The following PKNOX1 variants were observed in gnomAD, a reference collection of about 807,000 sequenced individuals.
PKNOX1 encodes the protein homeobox protein PKNOX1.
A neutral mutation model predicts 51.9 loss-of-function variants in PKNOX1; 15 were observed. The ratio of observed to expected loss-of-function variants is 0.29; its 90% confidence interval spans 0.19 to 0.45. PKNOX1 has a LOEUF of 0.45. Ranked by LOEUF, PKNOX1 falls within the 20% of genes least tolerant of loss-of-function variation. The probability of loss-of-function intolerance (pLI) is 1.00; values close to 1 mark genes in which losing one functional copy is unlikely to be tolerated. For missense variants in PKNOX1, 462 were observed against 547.5 expected, an observed-to-expected ratio of 0.84 and a Z score of 1.56; for synonymous variants, 219 against 211.1, an observed-to-expected ratio of 1.04 and a Z score of -0.32.
rs779953864 is a variant in PKNOX1, at chr21:43,029,886, G to A, written c.1100-4G>A. ...AATAATGACACACCTTCATCCTGCCGCAGGAGCTGTTGTCACCATCACCAC... is the reference window on the plus strand; with the variant it reads ...AATAATGACACACCTTCATCCTGCCACAGGAGCTGTTGTCACCATCACCAC... On this transcript the variant is annotated splice_region_variant and splice_polypyrimidine_tract_variant and intron_variant, in intron 10 of 10. Transcript: ENST00000291547. 3.1e-5 allele frequency: 50 copies of A among 1,610,046 alleles called. No homozygotes were observed. The highest frequency in any genetic ancestry group is 1.6e-4 in the South Asian group (15 of 90,966).
chr21:43,020,929 G>A lies in PKNOX1; in HGVS notation c.721-374G>A, dbSNP rs184516393. Among the ~76,000 whole-genome samples the A allele has an allele frequency of 3.1e-4, 47 of 152,300 alleles. 1 individual carries two copies. In the East Asian group the frequency reaches 8.7e-3, roughly 28 times the overall value. ...CATGTGCCAGCCTGGGCAACAGGGC[G>A]AGACCCTGCCTCTACAAAAAGTAGA... On this transcript the variant is annotated intron_variant, in intron 7 of 10. Coordinates refer to ENST00000291547, the MANE Select transcript of PKNOX1 (RefSeq NM_004571.5).
chr21:43,006,345 T>C (rs2146264586), intron 2 of PKNOX1, among the ~76,000 whole-genome samples: 1 of 152,210 alleles, frequency 6.6e-6, no homozygotes, highest in Admixed American at 6.5e-5. Flanking sequence ...AGGCTGATCT[T>C]GAACCCCTGA....
intron 1 of PKNOX1, among the ~76,000 whole-genome samples, chr21:42,975,140 G>T (rs1489340051): frequency 6.9e-6 from 1 of 144,996 alleles, no homozygotes; most frequent in Non-Finnish European, 1.5e-5. Flanking sequence ...GGCGGCGCGC[G>T]TGGGGCCGGT....
chr21:42,999,644 C>T (rs1455331062), intron 1 of PKNOX1, among the ~76,000 whole-genome samples: 1 of 152,070 alleles, frequency 6.6e-6, no homozygotes, highest in African/African-American at 2.4e-5. Context: ...CCAAGCCCGG[C>T]TAATTTTCGT....
intron 8 of PKNOX1, among the ~76,000 whole-genome samples, chr21:43,022,793 T>C (rs1979820432): frequency 6.6e-6 from 1 of 152,132 alleles, no homozygotes; most frequent in Non-Finnish European, 1.5e-5. Context: ...TGGAGTATCA[T>C]ATGCATAGTT....
At position 43,007,552 on chromosome 21, in the gene PKNOX1, A is replaced by G. The variant is rs754591831; in HGVS notation, c.113A>G (p.Glu38Gly). The G allele has an allele frequency of 1.4e-5, 22 of 1,614,084 alleles. No individual in the cohort carries two copies. The highest frequency in any genetic ancestry group is 1.6e-4 in the Middle Eastern group (1 of 6,062). Residue 38 changes from glutamate (E) to glycine (G), a missense_variant, in exon 3 of 11, where the codon GAA becomes GGA. Glu to Gly is a moderately conservative substitution (Grantham distance 98). Around this residue, in one of 5 missense-constraint regions of PKNOX1, gnomAD observed 129 missense variants for 133.4 expected, o/e 0.97. Coordinates refer to ENST00000291547, the MANE Select transcript of PKNOX1 (RefSeq NM_004571.5). ...CCAAACTGCTCTGAACCCGATGCAGAAGGAGTGAGCCCTCCCCCTGTGGAG... is the reference window on the plus strand; with the variant it reads ...CCAAACTGCTCTGAACCCGATGCAGGAGGAGTGAGCCCTCCCCCTGTGGAG... ...QDPNCSEPDA[E>G]GVSPPPVESQ...
chr21:43,003,791 G>T (rs1298275381), intron 1 of PKNOX1: 2 of 152,630 alleles, frequency 1.3e-5, no homozygotes, highest in African/African-American at 4.8e-5. Context: ...ATGAATGACA[G>T]TGACTGAAAA....
rs573125998 is a variant in PKNOX1, at chr21:43,033,014, T to C, written c.*2913T>C. The C allele has an allele frequency of 6.6e-6, 1 of 152,278 alleles. No homozygotes were observed. Among genetic ancestry groups the C allele is most frequent in the Admixed American group, 6.6e-5 (1 of 15,262 alleles). 9.4% of individuals were successfully genotyped at this position (152,278 alleles called of 1,614,324 possible). A position where few individuals can be genotyped will look rare whatever the true frequency, so the allele number is the denominator to read the frequency against. On this transcript the variant is annotated 3_prime_UTR_variant, in exon 11 of 11. Coordinates refer to ENST00000291547, the MANE Select transcript of PKNOX1 (RefSeq NM_004571.5). ...AAGATTTCGTTTTAAATGATCAGATTCGGTTCCAGTTTTATTCTTGTTGAG... is the reference window on the plus strand; with the variant it reads ...AAGATTTCGTTTTAAATGATCAGATCCGGTTCCAGTTTTATTCTTGTTGAG...
At chr21:43,029,552 C>T (rs750060957) in intron 10 of PKNOX1, among the ~76,000 whole-genome samples, 9 of 150,868 alleles carry the variant, frequency 6.0e-5, no homozygotes, top group South Asian at 2.1e-4. Context: ...CTCAGCCTCC[C>T]GAGTAGCTCG....
At position 43,032,873 on chromosome 21, in the gene PKNOX1, G is replaced by A. The variant is rs1319314209; in HGVS notation, c.*2772G>A. ...CTTTTAACTAGCTTCTACATGGCAAGCTGTTTCAGTTTGCAAAATCACTGC... is the reference window on the plus strand; with the variant it reads ...CTTTTAACTAGCTTCTACATGGCAAACTGTTTCAGTTTGCAAAATCACTGC... On this transcript the variant is annotated 3_prime_UTR_variant, in exon 11 of 11. Transcript: ENST00000291547. The A allele has an allele frequency of 1.3e-5, 2 of 152,204 alleles. No homozygotes were observed. The allele number at this position is 152,204 out of a possible 1,614,324, so 9.4% of individuals were successfully genotyped here.
At chr21:42,994,130 T>G (rs1978378269) in intron 1 of PKNOX1, among the ~76,000 whole-genome samples, 1 of 134,516 alleles carries the variant, frequency 7.4e-6, no homozygotes, top group Non-Finnish European at 1.6e-5. Flanking sequence ...AGCCTCGACC[T>G]CCCGGACTCA....
At chr21:43,018,273 C>A in intron 7 of PKNOX1, 43 bp downstream of exon 7, 1 of 1,254,844 alleles carries the variant, frequency 8.0e-7, no homozygotes, top group Non-Finnish European at 1.2e-6. Flanking sequence ...GCGAGTGCTG[C>A]CCACATAGGG....
At chr21:42,976,067 T>C (rs546522006) in intron 1 of PKNOX1, among the ~76,000 whole-genome samples, 1 of 152,336 alleles carries the variant, frequency 6.6e-6, no homozygotes, top group South Asian at 2.1e-4. Context: ...CTTAGAGTGA[T>C]TTGTGAATCC....
intron 1 of PKNOX1, 179 bp from the exon 2 acceptor site, chr21:43,004,147 G>T (rs748558567): frequency 5.4e-6 from 2 of 367,476 alleles, no homozygotes; most frequent in Non-Finnish European, 1.0e-5. Flanking sequence ...TGAGGCAGGA[G>T]AAACACTTGA....
chr21:43,022,649 G>A (rs974731960), intron 8 of PKNOX1, among the ~76,000 whole-genome samples: 1 of 152,144 alleles, frequency 6.6e-6, no homozygotes, highest in Non-Finnish European at 1.5e-5. Flanking sequence ...TGTGAGCAGC[G>A]GGGCTGCTCC....
chr21:42,980,265 C>T (rs1366066948), intron 1 of PKNOX1, among the ~76,000 whole-genome samples: 1 of 151,850 alleles, frequency 6.6e-6, no homozygotes, highest in African/African-American at 2.4e-5. Flanking sequence ...CCCAGCTACT[C>T]GGGAGGCTGA....
At chr21:42,995,379 A>G (rs1978454943) in intron 1 of PKNOX1, among the ~76,000 whole-genome samples, 1 of 152,038 alleles carries the variant, frequency 6.6e-6, no homozygotes, top group Non-Finnish European at 1.5e-5. Context: ...TTCCCTTTGT[A>G]ATTAATAAGT....
intron 1 of PKNOX1, among the ~76,000 whole-genome samples, chr21:42,980,312 C>T (rs1213431219): frequency 6.6e-6 from 1 of 151,814 alleles, no homozygotes; most frequent in Non-Finnish European, 1.5e-5. Context: ...GTGGAGGTTG[C>T]AGTGAGCTGA....
Position 43,013,058 on chromosome 21 carries a change from T to C in PKNOX1, c.352-10T>C. ...TTTTTCTCTGAAAGTCTTCATTTTC[T>C]CTGCTCTAGATGGTAAAAGCAATCC... On this transcript the variant is annotated splice_polypyrimidine_tract_variant and intron_variant, in intron 4 of 10. Transcript: ENST00000291547. 2 of 1,570,504 alleles carry C rather than the reference T, an allele frequency of 1.3e-6. No individual in the cohort carries two copies. Among genetic ancestry groups the C allele is most frequent in the Non-Finnish European group, 1.7e-6 (2 of 1,155,964 alleles).
Sources: gnomAD v4.1 joint callset for allele counts (sites outside exome capture counted in the v4.1 genomes callset) on GRCh38, gnomAD v4.1.1 for gene constraint, gnomAD v4.1.1 regional missense constraint, MANE v1.5 for transcripts, NCBI Gene and HGNC (gene_info 2026-07-23, HGNC 2026-07-21) for gene names.